Variants in CACHD1 observed in about 807,000 individuals in gnomAD.
The protein encoded by CACHD1 is VWFA and cache domain-containing protein 1.
In CACHD1, 71 loss-of-function variants were observed where a neutral mutation model predicts 138.7. The observed-to-expected ratio is 0.51, with a 90% CI of 0.42 to 0.62. The LOEUF (loss-of-function observed/expected upper bound fraction) is 0.62. CACHD1 is among the 20% of genes least tolerant of loss of function. The pLI, the probability that CACHD1 is intolerant of heterozygous loss-of-function variation, is 0.00. For missense variants in CACHD1, 1,389 were observed against 1,625.3 expected (o/e 0.85, Z 2.50); for synonymous variants, 578 against 591.5 (o/e 0.98, Z 0.33).
At chr1:64,638,355 T>C (rs959039421) in intron 7 of CACHD1, among the ~76,000 whole-genome samples, 1 of 152,248 alleles carries the variant, frequency 6.6e-6, no homozygotes, top group East Asian at 1.9e-4. Flanking sequence ...GGTTAGTCTG[T>C]ACATGAAAGT....
intron 4 of CACHD1, among the ~76,000 whole-genome samples, chr1:64,627,930 T>G (rs4915991): frequency 0.81 from 122,800 of 152,130 alleles, 50,368 homozygotes; most frequent in Non-Finnish European, 0.88. Context: ...AGAGAAGAAT[T>G]AACTGGTATT....
In CACHD1 at chr1:64,679,726, C is replaced by T; in HGVS notation, c.3376C>T (p.His1126Tyr). Residue 1126 changes from histidine to tyrosine, a missense_variant, in exon 24 of 27, where the codon CAT becomes TAT. Around this residue, in one of 5 missense-constraint regions of CACHD1, gnomAD observed 250 missense variants for 292.9 expected, o/e 0.85. Transcript: ENST00000651257. ...CCGCCACCAGATTCATCGCCGGAGC[C>T]ATCAGCATATGTCTCCTCTTGCTGC... ...AYRHQIHRRS[H>Y]QHMSPLAAQE... The T allele has an allele frequency of 6.2e-7, 1 of 1,614,072 alleles. No individual in the cohort carries two copies. The highest frequency in any genetic ancestry group is 8.5e-7 in the Non-Finnish European group (1 of 1,180,024).
intron 4 of CACHD1, among the ~76,000 whole-genome samples, chr1:64,613,976 C>T (rs1456951134): frequency 6.6e-6 from 1 of 152,172 alleles, no homozygotes; most frequent in African/African-American, 2.4e-5. Context: ...ACAAACTTTC[C>T]TTTGAATTTG....
chr1:64,496,876 AAAAG>A lies in CACHD1; in HGVS notation c.198+25942_198+25945del, dbSNP rs1454473814. Among the ~76,000 whole-genome samples, 1,177 of 151,596 alleles carry A rather than the reference AAAAG, an allele frequency of 7.8e-3. 17 individuals carry two copies. Among genetic ancestry groups the A allele is most frequent in the African/African-American group, 0.027 (1,117 of 41,330 alleles). ...TAGAAGTTGTCTCAAAAAAAAAAAA[AAAAG>A]AAAGAAAAAGAAAAAAGAAAGCTTT... On this transcript the variant is annotated intron_variant, in intron 1 of 26. Transcript: ENST00000651257.
At chr1:64,612,545 A>C (rs1252350147) in intron 4 of CACHD1, among the ~76,000 whole-genome samples, 1 of 152,214 alleles carries the variant, frequency 6.6e-6, no homozygotes, top group African/African-American at 2.4e-5. Flanking sequence ...ATAGAACAAT[A>C]CTCAGATGTT....
At chr1:64,573,469 C>T (rs528390035) in intron 2 of CACHD1, among the ~76,000 whole-genome samples, 1 of 152,268 alleles carries the variant, frequency 6.6e-6, no homozygotes, top group Non-Finnish European at 1.5e-5. Flanking sequence ...ATAGTTGGAG[C>T]TAAGACAGCA....
intron 21 of CACHD1, 65 bp downstream of exon 21, chr1:64,676,048 A>G: frequency 1.7e-6 from 1 of 587,790 alleles, no homozygotes. Flanking sequence ...ATACATATGT[A>G]ATACTGTGAG....
At chr1:64,485,679 C>G (rs189915797) in intron 1 of CACHD1, among the ~76,000 whole-genome samples, 17 of 152,302 alleles carry the variant, frequency 1.1e-4, no homozygotes, top group African/African-American at 4.1e-4. Context: ...CTCCTGGACT[C>G]AAGTGATCCT....
intron 2 of CACHD1, among the ~76,000 whole-genome samples, chr1:64,573,215 C>T (rs1646939584): frequency 6.6e-6 from 1 of 152,004 alleles, no homozygotes; most frequent in Non-Finnish European, 1.5e-5. Flanking sequence ...GGGTGGAGCC[C>T]CCATGATGGA....
intron 1 of CACHD1, among the ~76,000 whole-genome samples, chr1:64,501,000 G>A (rs1040208852): frequency 5.3e-4 from 80 of 150,748 alleles, no homozygotes; most frequent in African/African-American, 1.9e-3. Context: ...AGTGAGCCAG[G>A]ATTGCACCAT....
In CACHD1 at chr1:64,538,041, A is replaced by G. The variant is rs557112099; in HGVS notation, c.199-12553A>G. On this transcript the variant is annotated intron_variant, in intron 1 of 26. Transcript: ENST00000651257. Reference sequence around the variant, plus strand: ...CATCATTCAGTCAAGATGTTAGTTAATAATTATTGTTGAGAGTCATGGCAT... The same window carrying G: ...CATCATTCAGTCAAGATGTTAGTTAGTAATTATTGTTGAGAGTCATGGCAT... Among the ~76,000 whole-genome samples, 577 of 152,296 alleles carry G rather than the reference A, an allele frequency of 3.8e-3. 2 individuals are homozygous for G. Among genetic ancestry groups the G allele is most frequent in the African/African-American group, 0.013 (545 of 41,570 alleles).
At chr1:64,640,214 G>T (rs1648658991) in intron 7 of CACHD1, among the ~76,000 whole-genome samples, 1 of 152,214 alleles carries the variant, frequency 6.6e-6, no homozygotes, top group South Asian at 2.1e-4. Flanking sequence ...GGAGGTGAAT[G>T]AATGTCAAGA....
intron 1 of CACHD1, among the ~76,000 whole-genome samples, chr1:64,491,422 AG>A (rs2100298112): frequency 6.6e-6 from 1 of 152,326 alleles, no homozygotes; most frequent in South Asian, 2.1e-4. Context: ...TCATGGTGGA[AG>A]GCAAAGGGGA....
chr1:64,520,537 A>G, intron 1 of CACHD1, among the ~76,000 whole-genome samples: 1 of 152,178 alleles, frequency 6.6e-6, no homozygotes, highest in Non-Finnish European at 1.5e-5. Flanking sequence ...TGTAGTTTAA[A>G]CTAATTAACT....
At chr1:64,543,402 C>CATATGTAT (rs1553131375) in intron 1 of CACHD1, among the ~76,000 whole-genome samples, 5 of 126,886 alleles carry the variant, frequency 3.9e-5, no homozygotes, top group African/African-American at 6.5e-5. Context: ...AAAAAAAATA[C>CATATGTAT]ATATATATAT....
rs574278369 is a variant in CACHD1 at position 64,670,258 on chromosome 1, C to G, written c.2388-1306C>G. Among the ~76,000 whole-genome samples the G allele has an allele frequency of 2.2e-3, 337 of 152,274 alleles. 1 individual carries two copies. The highest frequency in any genetic ancestry group is 7.8e-3 in the African/African-American group (325 of 41,550). The stretch of plus-strand genomic sequence containing the variant: ...CTTGAATCTAGCCTGGGCAACATAG[C>G]AAGACCCCATCTCTTACAAAAATGA... On this transcript the variant is annotated intron_variant, in intron 16 of 26. Transcript: ENST00000651257.
chr1:64,672,993 T>C (rs980756398), intron 17 of CACHD1, among the ~76,000 whole-genome samples, 165 bp from the exon 18 acceptor site: 1 of 152,070 alleles, frequency 6.6e-6, no homozygotes, highest in Non-Finnish European at 1.5e-5. Context: ...CATGTACCTG[T>C]CTACCTGCCT....
chr1:64,654,634 G>A, intron 11 of CACHD1, 52 bp from the exon 12 acceptor site: 4 of 1,362,824 alleles, frequency 2.9e-6, no homozygotes, highest in Non-Finnish European at 4.2e-6. Context: ...CTTTAATTAA[G>A]TGCTTAATTT....
chr1:64,604,850 AC>A (rs1347557527), intron 4 of CACHD1, among the ~76,000 whole-genome samples: 9 of 151,702 alleles, frequency 5.9e-5, no homozygotes, highest in Middle Eastern at 3.2e-3. Context: ...ATGGGGTTTC[AC>A]CATGTTGGAC....
Sources: gnomAD v4.1 joint callset for allele counts (sites outside exome capture counted in the v4.1 genomes callset) on GRCh38, gnomAD v4.1.1 for gene constraint, gnomAD v4.1.1 regional missense constraint, MANE v1.5 for transcripts, NCBI Gene and HGNC (gene_info 2026-07-23, HGNC 2026-07-21) for gene names.